Variants in MYO9A observed in about 807,000 individuals in gnomAD.
MYO9A encodes the protein myosin IXA, also known as unconventional myosin-IXa.
Under a neutral mutation model 293.3 loss-of-function variants are expected in MYO9A, and 103 were observed. The observed-to-expected ratio is 0.35, with a 90% CI of 0.30 to 0.41. MYO9A has a LOEUF of 0.41. Among genes scored for constraint, MYO9A ranks in the 10% least tolerant of loss-of-function variants. The pLI is 1.00. For missense variants in MYO9A, 2,685 were observed against 3,033.0 expected, an observed-to-expected ratio of 0.89 and a Z score of 2.69; for synonymous variants, 1,001 against 1,035.7, an observed-to-expected ratio of 0.97 and a Z score of 0.64.
At chr15:72,014,781 A>T (rs1418732172) in intron 6 of MYO9A, among the ~76,000 whole-genome samples, 1 of 151,998 alleles carries the variant, frequency 6.6e-6, no homozygotes, top group South Asian at 2.1e-4. Flanking sequence ...AGAAAGAAAG[A>T]AAAGAAAGAA....
chr15:72,113,437 G>A (rs1245431660), intron 1 of MYO9A, among the ~76,000 whole-genome samples: 1 of 152,212 alleles, frequency 6.6e-6, no homozygotes, highest in Non-Finnish European at 1.5e-5. Flanking sequence ...AAGTCAGTAA[G>A]AGTGGATTAA....
At chr15:72,055,812 T>C (rs997400215) in intron 1 of MYO9A, among the ~76,000 whole-genome samples, 10 of 152,032 alleles carry the variant, frequency 6.6e-5, no homozygotes, top group African/African-American at 2.4e-4. Context: ...AAAAAAATAA[T>C]AGATGCTGGC....
chr15:71,878,964 C>G (rs923737203), intron 30 of MYO9A, among the ~76,000 whole-genome samples: 2 of 151,776 alleles, frequency 1.3e-5, no homozygotes, highest in African/African-American at 2.4e-5. Flanking sequence ...ACCATATTGC[C>G]CAGGCTGGTC....
chr15:72,057,656 A>C (rs559096390), intron 1 of MYO9A, among the ~76,000 whole-genome samples: 13 of 152,344 alleles, frequency 8.5e-5, no homozygotes, highest in Non-Finnish European at 1.8e-4. Context: ...GTCGGAAAAG[A>C]AGCTTTCTTC....
chr15:72,103,238 A>AAGC (rs1490563659), intron 1 of MYO9A, among the ~76,000 whole-genome samples: 1 of 150,404 alleles, frequency 6.6e-6, no homozygotes, highest in South Asian at 2.1e-4. Context: ...GCAGCAGCAG[A>AAGC]AGCAGCAGCA....
rs562647837 is a variant in MYO9A at position 71,850,635 on chromosome 15, G to A, written c.6582-468C>T. On this transcript the variant is annotated intron_variant, in intron 37 of 41. Transcript: ENST00000356056. ...CAAAAATTAGCCAGGGTGTGGTGGC[G>A]CACACCTGTAATCCCAGCTATGTAG... 1.3e-4 allele frequency among the ~76,000 whole-genome samples: 19 copies of A among 151,486 alleles called. No individual in the cohort carries two copies. In the South Asian group the frequency reaches 3.1e-3, roughly 25 times the overall value.
At chr15:72,065,497 A>G (rs1442975204) in intron 1 of MYO9A, among the ~76,000 whole-genome samples, 1 of 150,910 alleles carries the variant, frequency 6.6e-6, no homozygotes, top group Non-Finnish European at 1.5e-5. Flanking sequence ...CCTGGGCAAC[A>G]AGAGCAAAAC....
At chr15:72,016,744 A>G (rs2077351102) in intron 6 of MYO9A, among the ~76,000 whole-genome samples, 1 of 152,202 alleles carries the variant, frequency 6.6e-6, no homozygotes, top group African/African-American at 2.4e-5. Flanking sequence ...CAATAAACGG[A>G]TAATGGTGAT....
chr15:72,105,704 T>C (rs2080543888), intron 1 of MYO9A, among the ~76,000 whole-genome samples: 1 of 152,060 alleles, frequency 6.6e-6, no homozygotes. Flanking sequence ...ATGGGGTTTC[T>C]ACATGTTGGT....
chr15:72,087,274 G>A (rs576040687), intron 1 of MYO9A, among the ~76,000 whole-genome samples: 2 of 152,304 alleles, frequency 1.3e-5, no homozygotes, highest in Admixed American at 6.5e-5. Context: ...CTTTCTCTAG[G>A]GCTAAAGTCT....
intron 4 of MYO9A, among the ~76,000 whole-genome samples, chr15:72,023,192 G>C (rs1279721212): frequency 2.0e-5 from 3 of 152,088 alleles, no homozygotes; most frequent in Admixed American, 6.5e-5. Context: ...AATATGAGTA[G>C]GCAGAAGAAA....
chr15:72,017,308 C>T (rs116027177), intron 6 of MYO9A, among the ~76,000 whole-genome samples: 198 of 152,224 alleles, frequency 1.3e-3, no homozygotes, highest in African/African-American at 4.6e-3. Flanking sequence ...CCACTACTCT[C>T]GGCCCCCAAA....
intron 4 of MYO9A, among the ~76,000 whole-genome samples, chr15:72,027,470 T>C (rs1260003637): frequency 1.3e-5 from 2 of 152,168 alleles, no homozygotes; most frequent in African/African-American, 4.8e-5. Context: ...CCAAGGCACA[T>C]TGCTCACCAA....
At chr15:71,889,286 C>A (rs935647271) in intron 26 of MYO9A, among the ~76,000 whole-genome samples, 7 of 152,000 alleles carry the variant, frequency 4.6e-5, no homozygotes, top group African/African-American at 7.3e-5. Flanking sequence ...GGTAATTGAG[C>A]CCATCACTCA....
At chr15:71,981,641 G>GTGTCTCTCTCTCTCTC (rs1298978375) in intron 11 of MYO9A, among the ~76,000 whole-genome samples, 121 of 144,498 alleles carry the variant, frequency 8.4e-4, no homozygotes, top group Non-Finnish European at 1.5e-3. Flanking sequence ...TCTCTGTCTT[G>GTGTCTCTCTCTCTCTC]TCTCTCTCTC....
chr15:71,872,464 G>A lies in MYO9A; in HGVS notation c.5979+3327C>T, dbSNP rs558832527. On this transcript the variant is annotated intron_variant, in intron 32 of 41. Transcript: ENST00000356056. Reference sequence around the variant, plus strand: ...AAATTACTTTATTCTGTAGGTAGAAGAGAGGACTTGCTATGTTCCCAACAC... The same window carrying A: ...AAATTACTTTATTCTGTAGGTAGAAAAGAGGACTTGCTATGTTCCCAACAC... Among the ~76,000 whole-genome samples, 12 of 152,254 alleles carry A rather than the reference G, an allele frequency of 7.9e-5. No individual in the cohort carries two copies. The South Asian group carries it at 2.5e-3, about 32-fold the overall frequency.
At chr15:72,012,164 A>G (rs913547516) in intron 6 of MYO9A, among the ~76,000 whole-genome samples, 1 of 152,230 alleles carries the variant, frequency 6.6e-6, no homozygotes, top group African/African-American at 2.4e-5. Context: ...CTACACATGC[A>G]TAGTTTAAAA....
chr15:72,108,049 C>T (rs1233556792), intron 1 of MYO9A, among the ~76,000 whole-genome samples: 1 of 152,018 alleles, frequency 6.6e-6, no homozygotes, highest in Non-Finnish European at 1.5e-5. Context: ...AGAAAAATCG[C>T]CATTTTGCAA....
At chr15:71,955,158 G>A (rs1225397826) in intron 14 of MYO9A, among the ~76,000 whole-genome samples, 1 of 144,400 alleles carries the variant, frequency 6.9e-6, no homozygotes, top group African/African-American at 2.6e-5. Context: ...ATGGAGTTTC[G>A]CTCTTGTTGC....
Sources: gnomAD v4.1 joint callset for allele counts (sites outside exome capture counted in the v4.1 genomes callset) on GRCh38, gnomAD v4.1.1 for gene constraint, MANE v1.5 for transcripts, NCBI Gene and HGNC (gene_info 2026-07-23, HGNC 2026-07-21) for gene names.